Variants in TMEM74 observed in about 807,000 individuals in gnomAD.
TMEM74 encodes the protein transmembrane protein 74.
In TMEM74, 13 loss-of-function variants were observed where a neutral mutation model predicts 18.1. The ratio of observed to expected loss-of-function variants is 0.72; its 90% CI spans 0.47 to 1.14. The LOEUF is 1.14. Among genes scored for constraint, TMEM74 ranks in the 50% most tolerant of loss-of-function variants. The pLI, the probability that TMEM74 is intolerant of heterozygous loss-of-function variation, is 0.00. For synonymous variants in TMEM74, 159 were observed against 146.6 expected, an observed-to-expected ratio of 1.08 and a Z score of -0.61; for missense variants, 372 against 375.9, an observed-to-expected ratio of 0.99 and a Z score of 0.09.
chr8:108,643,006 T>C (rs1373022526), intron 2 of TMEM74, among the ~76,000 whole-genome samples: 1 of 152,146 alleles, frequency 6.6e-6, no homozygotes, highest in Non-Finnish European at 1.5e-5. Flanking sequence ...ATATACCCCT[T>C]ACCCCTACCG....
chr8:108,755,106 T>C (rs73311970), intron 1 of TMEM74, among the ~76,000 whole-genome samples: 1 of 152,018 alleles, frequency 6.6e-6, no homozygotes, highest in Non-Finnish European at 1.5e-5. Context: ...AGTTGACACA[T>C]AAAATTTACC....
rs530480748 is a variant in TMEM74, at chr8:108,686,013, GTTAA to G, written n.120-30580_120-30577del. 1.1e-3 allele frequency among the ~76,000 whole-genome samples: 170 copies of G among 152,056 alleles called. 2 individuals are homozygous for G. The highest frequency in any genetic ancestry group is 4.2e-3 in the East Asian group (22 of 5,182). ...TAAAATATGAAAACTCAATAAAGGT[GTTAA>G]TTAAACTTAAATAAATGTATAAATT... On this transcript the variant is annotated intron_variant and non_coding_transcript_variant, in intron 1 of 3. Coordinates refer to the TMEM74 transcript ENST00000518838.
intron 2 of TMEM74, among the ~76,000 whole-genome samples, chr8:108,611,473 T>C (rs1368217505): frequency 6.6e-6 from 1 of 152,208 alleles, no homozygotes; most frequent in Non-Finnish European, 1.5e-5. Flanking sequence ...TTTCATATTA[T>C]AGAACCTTGG....
At position 108,626,080 on chromosome 8, in the gene TMEM74, C is replaced by T. The variant is rs189596241; in HGVS notation, n.265-17254G>A. On this transcript the variant is annotated intron_variant and non_coding_transcript_variant, in intron 2 of 3. Transcript: ENST00000518838. ...ACAATAATTCAACATCTCATTCAGG[C>T]TTCTTAGTTAGATTCACTGATGACT... Among the ~76,000 whole-genome samples the T allele has an allele frequency of 7.2e-5, 11 of 152,082 alleles. 1 individual carries two copies. The highest frequency in any genetic ancestry group is 7.2e-4 in the Admixed American group (11 of 15,252).
At chr8:108,772,858 T>A (rs951749610) in intron 1 of TMEM74, among the ~76,000 whole-genome samples, 4 of 152,166 alleles carry the variant, frequency 2.6e-5, no homozygotes, top group African/African-American at 9.7e-5. Context: ...TTTGCTCATG[T>A]ATAACATAAG....
intron 2 of TMEM74, among the ~76,000 whole-genome samples, chr8:108,645,616 A>C (rs1812710221): frequency 1.3e-5 from 2 of 152,134 alleles, no homozygotes; most frequent in South Asian, 4.1e-4. Context: ...ATGTCCAAGA[A>C]ACATGGCAAA....
In TMEM74 at chr8:108,784,540, T is replaced by A; in HGVS notation, c.559A>T (p.Thr187Ser). 1.2e-6 allele frequency: 2 copies of A among 1,614,126 alleles called. No homozygotes were observed. Among genetic ancestry groups the A allele is most frequent in the Non-Finnish European group, 1.7e-6 (2 of 1,180,034 alleles). Residue 187 changes from threonine to serine, a missense_variant, in exon 2 of 2, where the codon ACT becomes TCT. Coordinates refer to ENST00000297459, the MANE Select transcript of TMEM74 (RefSeq NM_153015.3). ...GFISAILFLV[T>S]GILLVIISYI... is the part of the protein sequence containing the mutation. ...GAGATGATCACGAGCAGGATCCCAGTGACCAAGAACAAGATGGCGCTGATG... is the reference window on the plus strand; with the variant it reads ...GAGATGATCACGAGCAGGATCCCAGAGACCAAGAACAAGATGGCGCTGATG...
At position 108,743,025 on chromosome 8, in the gene TMEM74, T is replaced by G. The variant is rs568176556; in HGVS notation, n.119+44451A>C. ...CAAGTGGCATTTCCTCCTTGCTTGT[T>G]GCTTTATATAGTCGATAGTTTTATG... On this transcript the variant is annotated intron_variant and non_coding_transcript_variant, in intron 1 of 3. Transcript: ENST00000518838. Among the ~76,000 whole-genome samples, 8 of 152,352 alleles carry G rather than the reference T, an allele frequency of 5.3e-5. No homozygotes were observed. The South Asian group carries it at 1.7e-3, about 32-fold the overall frequency.
intron 1 of TMEM74, among the ~76,000 whole-genome samples, chr8:108,682,125 A>G (rs917343595): frequency 2.0e-5 from 3 of 152,154 alleles, no homozygotes; most frequent in African/African-American, 7.2e-5. Flanking sequence ...TTCTGGTTGT[A>G]ACTACAGGTT....
At chr8:108,785,668 T>TA (rs1173472064) in intron 1 of TMEM74, among the ~76,000 whole-genome samples, 1 of 152,184 alleles carries the variant, frequency 6.6e-6, no homozygotes, top group Non-Finnish European at 1.5e-5. Context: ...TGAATGACTA[T>TA]ACACCCCTAT....
At position 108,759,893 on chromosome 8, in the gene TMEM74, G is replaced by A. The variant is rs570193120; in HGVS notation, n.119+27583C>T. 2.6e-5 allele frequency among the ~76,000 whole-genome samples: 4 copies of A among 152,170 alleles called. No individual in the cohort carries two copies. The South Asian group carries it at 6.2e-4, about 24-fold the overall frequency. On this transcript the variant is annotated intron_variant and non_coding_transcript_variant, in intron 1 of 3. Transcript: ENST00000518838. ...AGGAAGAGTTTCACACAGTTCAGTCGTCTAATATGCATGATGTAAAGCATG... is the reference window on the plus strand; with the variant it reads ...AGGAAGAGTTTCACACAGTTCAGTCATCTAATATGCATGATGTAAAGCATG...
chr8:108,687,119 A>G (rs908650012), intron 1 of TMEM74, among the ~76,000 whole-genome samples: 2 of 152,148 alleles, frequency 1.3e-5, no homozygotes, highest in Non-Finnish European at 2.9e-5. Flanking sequence ...GTGCTAAAAA[A>G]TTTTATCTCT....
intron 1 of TMEM74, among the ~76,000 whole-genome samples, chr8:108,770,833 T>A (rs1814163380): frequency 6.6e-6 from 1 of 152,194 alleles, no homozygotes; most frequent in Non-Finnish European, 1.5e-5. Flanking sequence ...CCTTGCTTCA[T>A]GATTTCATGA....
At chr8:108,621,359 A>C (rs3019382) in intron 2 of TMEM74, among the ~76,000 whole-genome samples, 33,283 of 151,982 alleles carry the variant, frequency 0.22, 3,678 homozygotes, top group East Asian at 0.27. Flanking sequence ...TTAAAGTTTG[A>C]CCTGAGAGCT....
intron 2 of TMEM74, among the ~76,000 whole-genome samples, chr8:108,641,848 A>T (rs1812668359): frequency 6.6e-6 from 1 of 152,172 alleles, no homozygotes; most frequent in Admixed American, 6.5e-5. Flanking sequence ...CATAAACTTT[A>T]TTCCATCTTT....
At chr8:108,749,635 C>G (rs1372240203) in intron 1 of TMEM74, among the ~76,000 whole-genome samples, 1 of 152,020 alleles carries the variant, frequency 6.6e-6, no homozygotes, top group Admixed American at 6.6e-5. Context: ...ATTTGGATGC[C>G]CTTTATTTCT....
At chr8:108,618,586 G>C (rs1242227006) in intron 2 of TMEM74, among the ~76,000 whole-genome samples, 2 of 152,134 alleles carry the variant, frequency 1.3e-5, no homozygotes, top group Non-Finnish European at 2.9e-5. Flanking sequence ...GTAAAGGTTT[G>C]GTTCTGTGCT....
At chr8:108,692,985 G>C (rs1813245866) in intron 1 of TMEM74, among the ~76,000 whole-genome samples, 1 of 151,852 alleles carries the variant, frequency 6.6e-6, no homozygotes, top group African/African-American at 2.4e-5. Flanking sequence ...GAGGGCAAAT[G>C]CAGTAGAGTG....
At chr8:108,629,880 A>G (rs576412397) in intron 2 of TMEM74, among the ~76,000 whole-genome samples, 94 of 152,228 alleles carry the variant, frequency 6.2e-4, no homozygotes, top group Non-Finnish European at 1.2e-3. Flanking sequence ...CTGCAAAAAC[A>G]CACCAAAATA....
Sources: gnomAD v4.1 joint callset for allele counts (sites outside exome capture counted in the v4.1 genomes callset) on GRCh38, gnomAD v4.1.1 for gene constraint, MANE v1.5 for transcripts, NCBI Gene and HGNC (gene_info 2026-07-23, HGNC 2026-07-21) for gene names.